Variants in DYNLRB1 observed in about 807,000 individuals in gnomAD.
DYNLRB1 encodes the protein ROBL/LC7-like 1.
Under a neutral mutation model 13.5 loss-of-function variants are expected in DYNLRB1, and 6 were observed. That is an observed-to-expected ratio of 0.44 (90% CI 0.24 to 0.88). The LOEUF is 0.88. Ranked by LOEUF, DYNLRB1 falls within the 40% of genes least tolerant of loss-of-function variation. The probability of loss-of-function intolerance (pLI) is 0.21; values close to 1 mark genes in which losing one functional copy is unlikely to be tolerated. For missense variants in DYNLRB1, 93 were observed against 127.2 expected (o/e 0.73, Z 1.29); for synonymous variants, 43 against 45.0 (o/e 0.96, Z 0.18).
intron 2 of DYNLRB1, chr20:34,530,194 T>A: frequency 8.7e-7 from 1 of 1,151,660 alleles, no homozygotes; most frequent in Admixed American, 4.7e-5. Context: ...AAGCCAAGCC[T>A]TTTCACTGGG....
chr20:34,516,278 A>C (rs368816221), upstream of DYNLRB1: 1,890 of 971,770 alleles, frequency 1.9e-3, 48 homozygotes, highest in South Asian at 0.028. Flanking sequence ...GCTTTGCCAC[A>C]GTGGAAAGCA....
chr20:34,526,482 G>GTTTTTTT, intron 2 of DYNLRB1, 139 bp downstream of exon 2: 2 of 266,988 alleles, frequency 7.5e-6, no homozygotes, highest in East Asian at 6.3e-5. Flanking sequence ...CACCTCCAGT[G>GTTTTTTT]TTCTTTTTTT....
At chr20:34,528,032 G>GGAGGAGAGGAGT (rs1460333166) in intron 2 of DYNLRB1, among the ~76,000 whole-genome samples, 35 of 39,604 alleles carry the variant, frequency 8.8e-4, no homozygotes, top group East Asian at 2.1e-3. Flanking sequence ...GGAGTAGCCG[G>GGAGGAGAGGAGT]CCGGGCGCGG....
intron 1 of DYNLRB1, among the ~76,000 whole-genome samples, chr20:34,521,060 C>T (rs926959391): frequency 8.6e-5 from 13 of 151,958 alleles, no homozygotes; most frequent in Non-Finnish European, 1.8e-4. Flanking sequence ...ACTCTGTTGC[C>T]CAGGCTGGAG....
Position 34,540,705 on chromosome 20 carries a change from C to T in DYNLRB1, c.*81C>T. On this transcript the variant is annotated 3_prime_UTR_variant, in exon 4 of 4. Coordinates refer to ENST00000357156, the MANE Select transcript of DYNLRB1 (RefSeq NM_014183.4). ...AATGTCAATCATGTCAGTGGACTAG[C>T]ACATGGCAGTCGCTTGGAACCCACT... is the stretch of plus-strand genomic sequence containing the variant. The T allele has an allele frequency of 6.9e-7, 1 of 1,452,708 alleles. No individual in the cohort carries two copies. The highest frequency in any genetic ancestry group is 9.6e-7 in the Non-Finnish European group (1 of 1,041,504). 90.0% of individuals were successfully genotyped at this position (1,452,708 alleles called of 1,614,324 possible). A position where few individuals can be genotyped will look rare whatever the true frequency, so the allele number is the denominator to read the frequency against.
chr20:34,540,199 G>A (rs1455661046), intron 3 of DYNLRB1, among the ~76,000 whole-genome samples: 3 of 152,218 alleles, frequency 2.0e-5, no homozygotes, highest in Admixed American at 6.5e-5. Flanking sequence ...CCCTCCAGGT[G>A]GTTGGGATGC....
At chr20:34,516,538 G>A in intron 1 of DYNLRB1, 77 bp downstream of exon 1, 1 of 1,596,288 alleles carries the variant, frequency 6.3e-7, no homozygotes, top group Non-Finnish European at 8.5e-7. Flanking sequence ...CGAGGATGAG[G>A]GGATCTCAGA....
chr20:34,529,420 G>T (rs768147913), intron 2 of DYNLRB1, among the ~76,000 whole-genome samples: 2 of 152,142 alleles, frequency 1.3e-5, no homozygotes, highest in African/African-American at 2.4e-5. Context: ...TGGAGGTGCT[G>T]TGTCCTTGGA....
At chr20:34,529,909 G>GC in intron 2 of DYNLRB1, 1 of 1,506,460 alleles carries the variant, frequency 6.6e-7, no homozygotes, top group Admixed American at 2.4e-5. Context: ...GCTCAGGGCT[G>GC]CCCCTGATCA....
rs148481555 is a variant in DYNLRB1, at chr20:34,540,645, T to G, written c.*21T>G. On this transcript the variant is annotated 3_prime_UTR_variant, in exon 4 of 4. Transcript: ENST00000357156. The stretch of plus-strand genomic sequence containing the variant: ...AATAAGCCACTCTCTTGGCTCCCTG[T>G]GTCATTCCTTAATTTAATGCCCCCC... 2 of 1,612,108 alleles carry G rather than the reference T, an allele frequency of 1.2e-6. No homozygotes were observed. Among genetic ancestry groups the G allele is most frequent in the East Asian group, 4.5e-5 (2 of 44,874 alleles).
chr20:34,517,632 T>C (rs1047893671), intron 1 of DYNLRB1, among the ~76,000 whole-genome samples: 2 of 147,148 alleles, frequency 1.4e-5, no homozygotes, highest in African/African-American at 2.5e-5. Context: ...TATTTCTTTT[T>C]TTTTTTTTTT....
chr20:34,532,440 G>T (rs918680689), intron 2 of DYNLRB1, among the ~76,000 whole-genome samples: 2 of 152,138 alleles, frequency 1.3e-5, no homozygotes, highest in African/African-American at 4.8e-5. Flanking sequence ...CCTAGGACAC[G>T]ACTAAAGGCA....
At chr20:34,518,615 T>C (rs896484318) in intron 1 of DYNLRB1, among the ~76,000 whole-genome samples, 2 of 151,782 alleles carry the variant, frequency 1.3e-5, no homozygotes, top group Non-Finnish European at 2.9e-5. Context: ...ACCCTGCTAA[T>C]TTTTTTGTAT....
At position 34,529,428 on chromosome 20, in the gene DYNLRB1, G is replaced by A. The variant is rs1354860813; in HGVS notation, c.79+3085G>A. Among the ~76,000 whole-genome samples, 3 of 152,106 alleles carry A rather than the reference G, an allele frequency of 2.0e-5. No homozygotes were observed. The East Asian group carries it at 5.8e-4, about 29-fold the overall frequency. ...AACAAAGTGGAGGTGCTGTGTCCTT[G>A]GATAGAATGTTGATTTCCAGCCAGG... is the stretch of plus-strand genomic sequence containing the variant. On this transcript the variant is annotated intron_variant, in intron 2 of 3. Transcript: ENST00000357156.
chr20:34,516,360 A>G, upstream of DYNLRB1: 1 of 1,547,102 alleles, frequency 6.5e-7, no homozygotes, highest in Non-Finnish European at 8.8e-7. Flanking sequence ...CCTGATAGGC[A>G]GCTAGAGCTG....
chr20:34,531,245 A>G (rs1980689995), intron 2 of DYNLRB1: 1 of 152,174 alleles, frequency 6.6e-6, no homozygotes, highest in Non-Finnish European at 1.5e-5. Context: ...ACTTGAAGGG[A>G]CTGGGTGTGG....
At chr20:34,516,335 C>T, upstream of DYNLRB1, 3 of 1,430,906 alleles carry the variant, frequency 2.1e-6, no homozygotes, top group South Asian at 1.5e-5. Context: ...CGCCCGCCCC[C>T]GCCTCACGCT....
At chr20:34,536,083 G>C (rs1443103730) in intron 3 of DYNLRB1, 1 of 985,304 alleles carries the variant, frequency 1.0e-6, no homozygotes, top group African/African-American at 1.7e-5. Flanking sequence ...ACTCCCTAGA[G>C]GGGTGGGGAC....
At position 34,516,623 on chromosome 20, in the gene DYNLRB1, C is replaced by T. The variant is rs893710523; in HGVS notation, c.3+162C>T. On this transcript the variant is annotated intron_variant, in intron 1 of 3. Transcript: ENST00000357156. ...CAGCCGACTTGAGGGTGGAACCCGG[C>T]GGCGGAGGCCTCTAAAGCCTGACCG... 4.0e-6 allele frequency: 6 copies of T among 1,490,526 alleles called. No individual in the cohort carries two copies. The Admixed American group carries it at 7.0e-5, about 17-fold the overall frequency. 92.3% of individuals were successfully genotyped at this position (1,490,526 alleles called of 1,614,324 possible). A position where few individuals can be genotyped will look rare whatever the true frequency, so the allele number is the denominator to read the frequency against.
Sources: gnomAD v4.1 joint callset for allele counts (sites outside exome capture counted in the v4.1 genomes callset) on GRCh38, gnomAD v4.1.1 for gene constraint, MANE v1.5 for transcripts, NCBI Gene and HGNC (gene_info 2026-07-23, HGNC 2026-07-21) for gene names.